TLN2: variants seen among roughly 807,000 people sequenced by gnomAD.
TLN2 encodes the protein talin-2.
In TLN2, 118 loss-of-function variants were observed where a neutral mutation model predicts 294.7. That is an observed-to-expected ratio of 0.40 (90% confidence interval 0.34 to 0.47). TLN2 has a LOEUF of 0.47. Among genes scored for constraint, TLN2 ranks in the 20% least tolerant of loss-of-function variants. The pLI is 0.84. For missense variants in TLN2, 3,083 were observed against 3,282.2 expected (o/e 0.94, Z 1.48); for synonymous variants, 1,431 against 1,304.5 (o/e 1.10, Z -2.09).
chr15:62,666,068 C>G (rs1222612592), intron 9 of TLN2, among the ~76,000 whole-genome samples: 1 of 152,162 alleles, frequency 6.6e-6, no homozygotes, highest in Non-Finnish European at 1.5e-5. Flanking sequence ...TAACTACTTT[C>G]AAACCAGGAA....
intron 44 of TLN2, 76 bp downstream of exon 44, chr15:62,781,317 C>A: frequency 8.7e-7 from 1 of 1,153,856 alleles, no homozygotes. Context: ...CTGCAAATCC[C>A]AGATCTGTGT....
chr15:62,668,055 G>A (rs903050666), intron 9 of TLN2, among the ~76,000 whole-genome samples: 3 of 152,118 alleles, frequency 2.0e-5, no homozygotes, highest in Admixed American at 1.3e-4. Context: ...TGAGGGTGGG[G>A]AAATGGGGAG....
intron 51 of TLN2, 119 bp downstream of exon 51, chr15:62,805,904 A>G: frequency 1.7e-6 from 2 of 1,144,144 alleles, no homozygotes; most frequent in Non-Finnish European, 2.4e-6. Context: ...AAAAATGCAC[A>G]CAGGGCCAGG....
chr15:62,777,779 G>A (rs924505283), intron 43 of TLN2, among the ~76,000 whole-genome samples: 6 of 152,178 alleles, frequency 3.9e-5, no homozygotes, highest in Non-Finnish European at 7.3e-5. Flanking sequence ...AAGAGAACAT[G>A]AGTATCATTT....
intron 1 of TLN2, among the ~76,000 whole-genome samples, chr15:62,578,748 G>C (rs529579916): frequency 6.6e-6 from 1 of 152,186 alleles, no homozygotes; most frequent in Non-Finnish European, 1.5e-5. Flanking sequence ...TGCTGTGCTC[G>C]TGTGTCCCTC....
intron 9 of TLN2, among the ~76,000 whole-genome samples, chr15:62,669,826 C>T (rs569816031): frequency 3.3e-5 from 5 of 152,308 alleles, no homozygotes; most frequent in African/African-American, 1.2e-4. Context: ...CACCCACACA[C>T]GGCTGATTTA....
chr15:62,605,582 C>A lies in TLN2; in HGVS notation c.-161-12769C>A, dbSNP rs77303515. Among the ~76,000 whole-genome samples, 7 of 152,284 alleles carry A rather than the reference C, an allele frequency of 4.6e-5. No individual in the cohort carries two copies. In the East Asian group the frequency reaches 1.4e-3, roughly 29 times the overall value. On this transcript the variant is annotated intron_variant, in intron 2 of 58. Transcript: ENST00000636159. ...AACCAGGGAAGTTAGGCTGTGGCTG[C>A]TGCTATGAGAGGCTGTTGAATTGAG... is the stretch of plus-strand genomic sequence containing the variant.
chr15:62,582,246 A>ACACACACACACACCCC (rs764248336), intron 1 of TLN2, among the ~76,000 whole-genome samples: 2,409 of 137,236 alleles, frequency 0.018, 96 homozygotes, highest in East Asian at 0.036. Context: ...ACACACACAC[A>ACACACACACACACCCC]CATTCATGCC....
chr15:62,771,893 G>A (rs1164620592), intron 42 of TLN2, among the ~76,000 whole-genome samples: 6 of 152,196 alleles, frequency 3.9e-5, no homozygotes, highest in African/African-American at 1.4e-4. Context: ...CAGGGGAATG[G>A]CACAACCAGT....
intron 1 of TLN2, among the ~76,000 whole-genome samples, chr15:62,410,098 C>T (rs900481074): frequency 6.6e-5 from 10 of 151,930 alleles, no homozygotes; most frequent in South Asian, 2.1e-4. Flanking sequence ...AAAAATTAGC[C>T]GGGCGTGGTG....
chr15:62,642,372 C>T (rs2051219562), intron 3 of TLN2, among the ~76,000 whole-genome samples: 1 of 152,222 alleles, frequency 6.6e-6, no homozygotes, highest in Admixed American at 6.5e-5. Flanking sequence ...AAGTTTCACG[C>T]AGTCAAACTA....
chr15:62,806,181 A>C (rs1479874995), intron 51 of TLN2, among the ~76,000 whole-genome samples: 1 of 152,082 alleles, frequency 6.6e-6, no homozygotes, highest in Non-Finnish European at 1.5e-5. Context: ...TGACAGAGCA[A>C]AACCCTGTCC....
intron 1 of TLN2, among the ~76,000 whole-genome samples, chr15:62,443,330 A>G (rs8040704): frequency 0.33 from 50,082 of 152,102 alleles, 8,973 homozygotes; most frequent in Admixed American, 0.41. Flanking sequence ...TGCTTCCTTA[A>G]CTGGTTCTAA....
chr15:62,672,229 T>A (rs918056045), intron 9 of TLN2, among the ~76,000 whole-genome samples: 1 of 152,234 alleles, frequency 6.6e-6, no homozygotes, highest in African/African-American at 2.4e-5. Context: ...CATCAACATT[T>A]AGAAACATCA....
chr15:62,771,285 T>G, intron 42 of TLN2, 151 bp downstream of exon 42: 1 of 864,668 alleles, frequency 1.2e-6, no homozygotes, highest in Non-Finnish European at 1.6e-6. Context: ...TCTATTGGCC[T>G]TCCCAAGGTT....
intron 1 of TLN2, among the ~76,000 whole-genome samples, chr15:62,576,188 A>AT (rs1300569754): frequency 6.6e-6 from 1 of 151,982 alleles, no homozygotes; most frequent in Non-Finnish European, 1.5e-5. Context: ...GTCTGAGTTA[A>AT]TTTTTTTGTT....
intron 55 of TLN2, chr15:62,835,336 G>T (rs1255670375): frequency 1.8e-5 from 4 of 216,420 alleles, no homozygotes; most frequent in Non-Finnish European, 3.7e-5. Flanking sequence ...CAGTAATCGG[G>T]AGAGATTTAA....
At chr15:62,790,800 T>C (rs1348755035) in intron 45 of TLN2, among the ~76,000 whole-genome samples, 5 of 152,234 alleles carry the variant, frequency 3.3e-5, no homozygotes, top group East Asian at 1.9e-4. Flanking sequence ...CAAACACATA[T>C]ATTTAAATGA....
At chr15:62,715,965 A>G (rs1698317178) in intron 22 of TLN2, among the ~76,000 whole-genome samples, 1 of 152,142 alleles carries the variant, frequency 6.6e-6, no homozygotes, top group Admixed American at 6.5e-5. Flanking sequence ...ATGTGTCATT[A>G]CTGTGTCATG....
Sources: allele counts gnomAD v4.1 joint callset (sites outside exome capture counted in the v4.1 genomes callset), GRCh38; gene constraint gnomAD v4.1.1; transcripts MANE v1.5; gene names NCBI Gene and HGNC (gene_info 2026-07-23, HGNC 2026-07-21).